The following PTPN4 variants were observed in gnomAD, a reference collection of about 807,000 sequenced individuals.
The protein encoded by PTPN4 is protein tyrosine phosphatase non-receptor type 4, also known as tyrosine-protein phosphatase non-receptor type 4.
A neutral mutation model predicts 135.5 loss-of-function variants in PTPN4; 49 were observed. The observed-to-expected ratio is 0.36, with a 90% confidence interval of 0.29 to 0.46. PTPN4 has a LOEUF of 0.46. PTPN4 is among the 20% of genes least tolerant of loss of function. PTPN4 has a pLI of 1.00. For missense variants in PTPN4, 860 were observed against 1,101.0 expected, an observed-to-expected ratio of 0.78 and a Z score of 3.10; for synonymous variants, 333 against 369.9, an observed-to-expected ratio of 0.90 and a Z score of 1.14.
At chr2:119,885,153 C>T (rs1473697345) in intron 8 of PTPN4, among the ~76,000 whole-genome samples, 2 of 151,976 alleles carry the variant, frequency 1.3e-5, no homozygotes, top group Non-Finnish European at 2.9e-5. Context: ...TTTCTTCCCC[C>T]CAGCTGTCAT....
At chr2:119,779,549 G>A (rs1479225479) in intron 1 of PTPN4, among the ~76,000 whole-genome samples, 6 of 151,572 alleles carry the variant, frequency 4.0e-5, no homozygotes, top group Admixed American at 1.3e-4. Flanking sequence ...CCCGGGAGGC[G>A]GAGCTTGCAG....
intron 13 of PTPN4, among the ~76,000 whole-genome samples, chr2:119,928,789 A>G (rs932285498): frequency 6.6e-6 from 1 of 152,102 alleles, no homozygotes; most frequent in Admixed American, 6.6e-5. Flanking sequence ...ACTTTTATAA[A>G]CAGTGTAGAA....
chr2:119,888,678 G>A (rs1212591522), intron 9 of PTPN4, among the ~76,000 whole-genome samples: 6 of 152,056 alleles, frequency 3.9e-5, no homozygotes, highest in African/African-American at 1.4e-4. Flanking sequence ...ATAATGTATT[G>A]TATCTGATTG....
chr2:119,864,816 C>T (rs1265011218), intron 3 of PTPN4, among the ~76,000 whole-genome samples: 4 of 152,058 alleles, frequency 2.6e-5, no homozygotes, highest in Non-Finnish European at 4.4e-5. Flanking sequence ...CTTTTTCTTT[C>T]TTTGTCTTTC....
chr2:119,771,487 C>T (rs1314879036), intron 1 of PTPN4: 1 of 152,268 alleles, frequency 6.6e-6, no homozygotes, highest in African/African-American at 2.4e-5. Flanking sequence ...CTGGAGCTCT[C>T]TGCTATCTAC....
At chr2:119,939,376 C>T (rs1375847643) in intron 15 of PTPN4, among the ~76,000 whole-genome samples, 2 of 152,212 alleles carry the variant, frequency 1.3e-5, no homozygotes, top group Non-Finnish European at 2.9e-5. Context: ...TCACCGCTCA[C>T]TGCAGCCTAG....
chr2:119,961,021 A>G, intron 23 of PTPN4, 68 bp downstream of exon 23: 2 of 1,432,824 alleles, frequency 1.4e-6, no homozygotes, highest in Admixed American at 2.5e-5. Flanking sequence ...TATGTAGTCA[A>G]AATATTCATA....
Position 119,902,340 on chromosome 2 carries a change from A to G in PTPN4, c.764+1534A>G, listed in dbSNP as rs573328794. Among the ~76,000 whole-genome samples the G allele has an allele frequency of 2.0e-5, 3 of 152,360 alleles. No homozygotes were observed. In the South Asian group the frequency reaches 6.2e-4, roughly 32 times the overall value. On this transcript the variant is annotated intron_variant, in intron 10 of 26. Coordinates refer to ENST00000263708, the MANE Select transcript of PTPN4 (RefSeq NM_002830.4). ...GTCTGTAGCAAAGTTATCCTTCAGA[A>G]GTGAACGAGAAATAAAGACTTTCAC...
At chr2:119,880,531 G>A (rs1383407008) in intron 5 of PTPN4, among the ~76,000 whole-genome samples, 1 of 151,446 alleles carries the variant, frequency 6.6e-6, no homozygotes, top group African/African-American at 2.4e-5. Flanking sequence ...CCAGGTTCAC[G>A]CCATTCTCCT....
chr2:119,901,118 G>T lies in PTPN4; in HGVS notation c.764+312G>T, dbSNP rs149743778. 5.9e-4 allele frequency among the ~76,000 whole-genome samples: 90 copies of T among 152,234 alleles called. 3 individuals are homozygous for T. The East Asian group carries it at 0.017, about 29-fold the overall frequency. On this transcript the variant is annotated intron_variant, in intron 10 of 26. Transcript: ENST00000263708. ...GTTTTACCAGCATCTAACCAATATG[G>T]GTTTTATCAGAGTTTAACCAAAGTA...
At chr2:119,862,313 C>T (rs948216641) in intron 2 of PTPN4, among the ~76,000 whole-genome samples, 1 of 152,120 alleles carries the variant, frequency 6.6e-6, no homozygotes, top group Non-Finnish European at 1.5e-5. Flanking sequence ...CAAGTTAACC[C>T]ATTTATGCCT....
intron 19 of PTPN4, among the ~76,000 whole-genome samples, chr2:119,954,325 C>A (rs1203849076): frequency 6.6e-6 from 1 of 152,122 alleles, no homozygotes; most frequent in Admixed American, 6.5e-5. Flanking sequence ...TTTTATAGGA[C>A]CAAAAGGACA....
chr2:119,843,290 G>A (rs1333098592), intron 2 of PTPN4, among the ~76,000 whole-genome samples: 8 of 137,026 alleles, frequency 5.8e-5, no homozygotes, highest in African/African-American at 2.2e-4. Flanking sequence ...ATGTTTCAGA[G>A]AGCACAGGGT....
In PTPN4 at chr2:119,920,141, T is replaced by A; in HGVS notation, c.901T>A (p.Cys301Ser). 6.2e-7 allele frequency: 1 copy of A among 1,613,474 alleles called. No individual in the cohort carries two copies. The highest frequency in any genetic ancestry group is 1.1e-5 in the South Asian group (1 of 90,856). Residue 301 changes from cysteine to serine, a missense_variant, in exon 12 of 27, where the codon TGT becomes AGT. Physicochemically the swap from Cys to Ser is moderately radical, Grantham distance 112. Coordinates refer to ENST00000263708, the MANE Select transcript of PTPN4 (RefSeq NM_002830.4). ...YRACKNLWKA[C>S]VEHHTFFRLD... is the part of the protein sequence containing the mutation. ...AGCATGTAAAAATTTGTGGAAAGCATGTGTAGAACATCACACATTCTTCCG... is the reference window on the plus strand; with the variant it reads ...AGCATGTAAAAATTTGTGGAAAGCAAGTGTAGAACATCACACATTCTTCCG...
intron 1 of PTPN4, among the ~76,000 whole-genome samples, chr2:119,808,749 T>C (rs1355070535): frequency 6.6e-6 from 1 of 152,178 alleles, no homozygotes; most frequent in Non-Finnish European, 1.5e-5. Context: ...GGAATTTTAC[T>C]TGGCAAGCGT....
intron 26 of PTPN4, among the ~76,000 whole-genome samples, chr2:119,972,918 A>T (rs1309790208): frequency 6.6e-6 from 1 of 152,078 alleles, no homozygotes; most frequent in Non-Finnish European, 1.5e-5. Flanking sequence ...ATAGTATGTA[A>T]TGCTTTTTAT....
At chr2:119,884,385 C>T (rs912272373) in intron 8 of PTPN4, among the ~76,000 whole-genome samples, 5 of 152,156 alleles carry the variant, frequency 3.3e-5, no homozygotes, top group African/African-American at 4.8e-5. Context: ...TGGCTGTTTT[C>T]GCACAATGGC....
chr2:119,773,552 A>G (rs1012596517), intron 1 of PTPN4, among the ~76,000 whole-genome samples: 1 of 152,122 alleles, frequency 6.6e-6, no homozygotes, highest in Non-Finnish European at 1.5e-5. Flanking sequence ...CCTGACCTAC[A>G]TGGTGAAACC....
At chr2:119,781,959 T>A (rs1015314150) in intron 1 of PTPN4, among the ~76,000 whole-genome samples, 1 of 152,206 alleles carries the variant, frequency 6.6e-6, no homozygotes, top group African/African-American at 2.4e-5. Flanking sequence ...TATATATTAT[T>A]AGATTCATTT....
Sources: allele counts gnomAD v4.1 joint callset (sites outside exome capture counted in the v4.1 genomes callset), GRCh38; gene constraint gnomAD v4.1.1; transcripts MANE v1.5; gene names NCBI Gene and HGNC (gene_info 2026-07-23, HGNC 2026-07-21).